Variants in LMTK2 observed in about 807,000 individuals in gnomAD.
The protein encoded by LMTK2 is serine/threonine-protein kinase LMTK2.
In LMTK2, 37 loss-of-function variants were observed where a neutral mutation model predicts 127.5. The ratio of observed to expected loss-of-function variants is 0.29; its 90% CI spans 0.22 to 0.38. The LOEUF is 0.38. LMTK2 is among the 10% of genes least tolerant of loss of function. The probability of loss-of-function intolerance (pLI) is 1.00; values close to 1 mark genes in which losing one functional copy is unlikely to be tolerated. For synonymous variants in LMTK2, 819 were observed against 810.1 expected (o/e 1.01, Z -0.19); for missense variants, 1,694 against 1,920.3 (o/e 0.88, Z 2.20).
chr7:98,108,417 C>T (rs1796149680), intron 1 of LMTK2, among the ~76,000 whole-genome samples: 1 of 152,186 alleles, frequency 6.6e-6, no homozygotes, highest in African/African-American at 2.4e-5. Context: ...AACAAATCTA[C>T]GATGAAAGCT....
chr7:98,108,856 CTTTTTTT>C (rs11345679), intron 1 of LMTK2, among the ~76,000 whole-genome samples: 8 of 100,798 alleles, frequency 7.9e-5, no homozygotes, highest in Non-Finnish European at 1.6e-4. Flanking sequence ...TGCCTGCACA[CTTTTTTT>C]TTTTTTTTTT....
chr7:98,208,828 T>C lies in LMTK2; in HGVS notation c.*3336T>C, dbSNP rs1797846664. 6.6e-6 allele frequency: 1 copy of C among 152,228 alleles called. No homozygotes were observed. The highest frequency in any genetic ancestry group is 1.5e-5 in the Non-Finnish European group (1 of 68,050). 9.4% of individuals were successfully genotyped at this position (152,228 alleles called of 1,614,324 possible). On this transcript the variant is annotated 3_prime_UTR_variant, in exon 14 of 14. Coordinates refer to ENST00000297293, the MANE Select transcript of LMTK2 (RefSeq NM_014916.4). ...TTCGTTCTATTTTTAAATGTACAGG[T>C]TCGATCGTTTCTATAGAAATGGGTT...
At chr7:98,166,934 AC>A (rs1562911735) in intron 6 of LMTK2, among the ~76,000 whole-genome samples, 1 of 152,266 alleles carries the variant, frequency 6.6e-6, no homozygotes, top group African/African-American at 2.4e-5. Flanking sequence ...AGTAACATTT[AC>A]TATACAAAGA....
chr7:98,124,713 G>A (rs550249214), intron 1 of LMTK2, among the ~76,000 whole-genome samples: 1 of 152,070 alleles, frequency 6.6e-6, no homozygotes, highest in Non-Finnish European at 1.5e-5. Context: ...TTGAGCCCAG[G>A]AGTTCAAAGC....
rs757118943 is a variant in LMTK2, at chr7:98,194,264, G to A, written c.3799G>A (p.Gly1267Arg). 1.9e-6 allele frequency: 3 copies of A among 1,614,174 alleles called. No individual in the cohort carries two copies. Among genetic ancestry groups the A allele is most frequent in the Middle Eastern group, 1.6e-4 (1 of 6,062 alleles). ...KEPDIEGKYL[G>R]KLGVSGMLDL... is the part of the protein sequence containing the mutation. ...GCCGGACATCGAAGGGAAGTACCTG[G>A]GGAAACTCGGGGTGTCAGGGATGCT... The change falls in exon 11 of 14, where the codon GGG becomes AGG. Residue 1267 changes from glycine (G) to arginine (R), a missense_variant. By Grantham distance (125) the Gly-to-Arg change is moderately radical (BLOSUM62 -2). This residue lies in a region of LMTK2 where 554 missense variants were observed against 567.7 expected (regional missense o/e 0.98). Coordinates refer to ENST00000297293, the MANE Select transcript of LMTK2 (RefSeq NM_014916.4). This position sits in a 1 kb window ranked among gnomAD's most constrained non-coding sequence, Gnocchi z 5.4.
At chr7:98,174,103 G>GT (rs1342860869) in intron 7 of LMTK2, among the ~76,000 whole-genome samples, 5 of 88,416 alleles carry the variant, frequency 5.7e-5, no homozygotes, top group Admixed American at 3.6e-4. Flanking sequence ...TCATTTTGTT[G>GT]TAAAAAAAAA....
intron 1 of LMTK2, among the ~76,000 whole-genome samples, chr7:98,110,029 G>C (rs902960155): frequency 6.6e-6 from 1 of 152,148 alleles, no homozygotes; most frequent in Admixed American, 6.6e-5. Context: ...TGCACTCCTT[G>C]TGAAGATAGA....
chr7:98,132,471 A>G (rs920103107), intron 1 of LMTK2, among the ~76,000 whole-genome samples: 1 of 152,116 alleles, frequency 6.6e-6, no homozygotes, highest in African/African-American at 2.4e-5. Flanking sequence ...GGATGGTCTC[A>G]ATCTCCTGAC....
intron 6 of LMTK2, among the ~76,000 whole-genome samples, chr7:98,163,829 G>A (rs1182288047): frequency 7.3e-5 from 11 of 151,206 alleles, no homozygotes; most frequent in Admixed American, 4.0e-4. Context: ...CCCCCTGGCC[G>A]CAATACAAAG....
chr7:98,169,441 A>C (rs370486185), intron 6 of LMTK2, among the ~76,000 whole-genome samples: 645 of 152,352 alleles, frequency 4.2e-3, no homozygotes, highest in African/African-American at 0.015. Flanking sequence ...CTCTGCCTTC[A>C]TGGCTGGGGT....
chr7:98,164,149 T>G (rs561269696), intron 6 of LMTK2, among the ~76,000 whole-genome samples: 36 of 152,374 alleles, frequency 2.4e-4, no homozygotes, highest in African/African-American at 8.7e-4. Flanking sequence ...GTAGCTGGCC[T>G]GCAGCCACAG....
rs188511589 is a variant in LMTK2 at position 98,193,285 on chromosome 7, A to G, written c.2820A>G (p.Leu940=). 48 of 1,613,800 alleles carry G rather than the reference A, an allele frequency of 3.0e-5. No individual in the cohort carries two copies. The highest frequency in any genetic ancestry group is 1.6e-4 in the Middle Eastern group (1 of 6,062). Residue 940 remains leucine (L), a synonymous_variant, in exon 11 of 14, where the codon CTA becomes CTG. Transcript: ENST00000297293. This position sits in a 1 kb window ranked among gnomAD's most constrained non-coding sequence, Gnocchi z 4.1. ...AAGACCATCACAGTCATCGCCGGCT[A>G]GAGAAAAACTTAGAGGCTGTGGAGA... ...FSEDHHSHRR[L]EKNLEAVETL...
rs781560036 is a variant in LMTK2, at chr7:98,193,648, TGGC to T, written c.3187_3189del (p.Gly1063del). 8 of 1,613,746 alleles carry T rather than the reference TGGC, an allele frequency of 5.0e-6. No individual in the cohort carries two copies. In the Admixed American group the frequency reaches 5.0e-5, roughly 10 times the overall value. The stretch of plus-strand genomic sequence containing the variant: ...ACTCAGAACCAGCCACCACGGGCGA[TGGC>T]GGCCACAGCGGTCTGCCTCCCAACC... On this transcript the variant is annotated inframe_deletion, in exon 11 of 14. Transcript: ENST00000297293. This position sits in a 1 kb window ranked among gnomAD's most constrained non-coding sequence, Gnocchi z 4.1.
At position 98,106,929 on chromosome 7, in the gene LMTK2, C is replaced by T. The variant is rs762504844; in HGVS notation, c.-249C>T. On this transcript the variant is annotated 5_prime_UTR_variant, in exon 1 of 14. Transcript: ENST00000297293. ...CCAGGCCCGCCGCTCCGCAGGGCTGCTGGCGTTGCTGCTGTTGAGAGGCGG... is the reference window on the plus strand; with the variant it reads ...CCAGGCCCGCCGCTCCGCAGGGCTGTTGGCGTTGCTGCTGTTGAGAGGCGG... 8 of 459,566 alleles carry T rather than the reference C, an allele frequency of 1.7e-5. No individual in the cohort carries two copies. Among genetic ancestry groups the T allele is most frequent in the Non-Finnish European group, 3.1e-5 (8 of 259,528 alleles). 28.5% of individuals were successfully genotyped at this position (459,566 alleles called of 1,614,324 possible).
chr7:98,112,099 C>T (rs1796208776), intron 1 of LMTK2, among the ~76,000 whole-genome samples: 1 of 152,178 alleles, frequency 6.6e-6, no homozygotes, highest in African/African-American at 2.4e-5. Context: ...CATGAGGCAT[C>T]CCTGATTAAC....
intron 1 of LMTK2, among the ~76,000 whole-genome samples, chr7:98,108,595 G>A (rs1032356970): frequency 5.9e-5 from 9 of 152,172 alleles, no homozygotes; most frequent in Non-Finnish European, 1.3e-4. Context: ...GATAAGAAGA[G>A]TAAATGTTAT....
At position 98,194,354 on chromosome 7, in the gene LMTK2, G is replaced by T; in HGVS notation, c.3889G>T (p.Asp1297Tyr). The T allele has an allele frequency of 6.2e-7, 1 of 1,614,134 alleles. No homozygotes were observed. The highest frequency in any genetic ancestry group is 8.5e-7 in the Non-Finnish European group (1 of 1,180,010). Residue 1297 changes from aspartate to tyrosine, a missense_variant, in exon 11 of 14, where the codon GAC (aspartate) becomes TAC (tyrosine). Around this residue, in one of 8 missense-constraint regions of LMTK2, gnomAD observed 554 missense variants for 567.7 expected, o/e 0.98. Transcript: ENST00000297293. The surrounding 1 kb of genome is among the most constrained non-coding windows in gnomAD (Gnocchi z 5.4). Reference sequence around the variant, plus strand: ...CGAAAACAGCGACGACTCGGACGAGGACCTGCGGGCCTTCAACCTGCATAG... The same window carrying T: ...CGAAAACAGCGACGACTCGGACGAGTACCTGCGGGCCTTCAACCTGCATAG... ...EDENSDDSDE[D>Y]LRAFNLHSLS...
intron 9 of LMTK2, 106 bp downstream of exon 9, chr7:98,187,104 C>T: frequency 3.0e-6 from 3 of 1,010,172 alleles, no homozygotes; most frequent in Non-Finnish European, 2.9e-6. Flanking sequence ...GATGTAGGAA[C>T]AAAAGAGTAT....
chr7:98,123,968 A>G (rs1796406930), intron 1 of LMTK2, among the ~76,000 whole-genome samples: 1 of 151,868 alleles, frequency 6.6e-6, no homozygotes, highest in African/African-American at 2.4e-5. Flanking sequence ...CTTTCCTCTC[A>G]TGAGTATACT....
Sources: allele counts gnomAD v4.1 joint callset (sites outside exome capture counted in the v4.1 genomes callset), GRCh38; gene constraint gnomAD v4.1.1; regional missense constraint gnomAD v4.1.1; non-coding constraint Gnocchi (gnomAD v3.1); transcripts MANE v1.5; gene names NCBI Gene and HGNC (gene_info 2026-07-23, HGNC 2026-07-21).